ADAM9: variants seen among roughly 807,000 people sequenced by gnomAD.
The protein encoded by ADAM9 is disintegrin and metalloproteinase domain-containing protein 9.
ADAM9 carries 54 observed loss-of-function variants against 108.1 expected under a neutral mutation model. That is an observed-to-expected ratio of 0.50 (90% CI 0.40 to 0.63). The LOEUF is 0.63. ADAM9 is among the 20% of genes least tolerant of loss of function. ADAM9 has a pLI of 0.00. For missense variants in ADAM9, 830 were observed against 997.7 expected (o/e 0.83, Z 2.26); for synonymous variants, 316 against 336.0 (o/e 0.94, Z 0.65).
intron 14 of ADAM9, among the ~76,000 whole-genome samples, chr8:39,064,277 CAGATT>C (rs1838389310): frequency 6.6e-6 from 1 of 152,136 alleles, no homozygotes; most frequent in South Asian, 2.1e-4. Flanking sequence ...AAAATCTAAT[CAGATT>C]AGATAGCCCA....
At chr8:39,064,008 G>T (rs902228121) in intron 14 of ADAM9, among the ~76,000 whole-genome samples, 1 of 152,098 alleles carries the variant, frequency 6.6e-6, no homozygotes, top group Non-Finnish European at 1.5e-5. Flanking sequence ...TATGGTGCTT[G>T]AACTAGGAAT....
intron 9 of ADAM9, 73 bp from the exon 10 acceptor site, chr8:39,025,730 T>G (rs2129434341): frequency 7.1e-7 from 1 of 1,405,836 alleles, no homozygotes; most frequent in Non-Finnish European, 1.0e-6. Flanking sequence ...CCAGTTGAGA[T>G]TATTCATAAA....
chr8:39,065,212 GTT>G (rs35814763), intron 14 of ADAM9, among the ~76,000 whole-genome samples: 1 of 134,700 alleles, frequency 7.4e-6, no homozygotes, highest in South Asian at 2.4e-4. Context: ...GTTTTTTTTT[GTT>G]TTTTTTTTTT....
chr8:39,084,265 T>C (rs771147642), intron 18 of ADAM9, among the ~76,000 whole-genome samples: 21 of 152,088 alleles, frequency 1.4e-4, no homozygotes, highest in Non-Finnish European at 2.8e-4. Context: ...ATATATTTTC[T>C]CTTAGTCTGC....
At chr8:39,012,822 G>A (rs966187859) in intron 3 of ADAM9, among the ~76,000 whole-genome samples, 3 of 152,162 alleles carry the variant, frequency 2.0e-5, no homozygotes, top group Non-Finnish European at 4.4e-5. Context: ...GGGAGGGATA[G>A]CATTAGGAGA....
Position 39,082,087 on chromosome 8 carries a change from A to G in ADAM9, c.1882-554A>G, listed in dbSNP as rs936389316. Among the ~76,000 whole-genome samples, 4 of 152,168 alleles carry G rather than the reference A, an allele frequency of 2.6e-5. 1 individual carries two copies. Among genetic ancestry groups the G allele is most frequent in the Admixed American group, 2.6e-4 (4 of 15,286 alleles). On this transcript the variant is annotated intron_variant, in intron 16 of 21. Coordinates refer to ENST00000487273, the MANE Select transcript of ADAM9 (RefSeq NM_003816.3). ...CTTGAACCATGTAAGATTATAACTT[A>G]TTTTCAACAGTGCTTTTAATAGAAA...
Position 39,099,488 on chromosome 8 carries a change from C to A in ADAM9, c.2299-2375C>A, listed in dbSNP as rs559008423. ...ACTATTTGCAAGAAGTGAACATGTA[C>A]TTCATTGTTTTTAATAACCGCATGC... On this transcript the variant is annotated intron_variant, in intron 20 of 21. Transcript: ENST00000487273. Among the ~76,000 whole-genome samples the A allele has an allele frequency of 7.2e-5, 11 of 152,256 alleles. No individual in the cohort carries two copies. The East Asian group carries it at 1.4e-3, about 19-fold the overall frequency.
At chr8:39,071,029 C>T (rs1054487988) in intron 14 of ADAM9, among the ~76,000 whole-genome samples, 2 of 152,092 alleles carry the variant, frequency 1.3e-5, no homozygotes, top group East Asian at 1.9e-4. Context: ...TACTTATAAT[C>T]TATTATTTAA....
chr8:39,020,712 G>A (rs937535378), intron 7 of ADAM9, among the ~76,000 whole-genome samples: 1 of 152,094 alleles, frequency 6.6e-6, no homozygotes, highest in Non-Finnish European at 1.5e-5. Flanking sequence ...TATTGGTGCT[G>A]ATCTGTAACC....
At chr8:39,022,887 T>C (rs1836791020) in intron 8 of ADAM9, among the ~76,000 whole-genome samples, 1 of 152,096 alleles carries the variant, frequency 6.6e-6, no homozygotes, top group African/African-American at 2.4e-5. Flanking sequence ...CTAATTTTTG[T>C]ATTTTAGTAG....
At chr8:39,066,186 G>A (rs190771678) in intron 14 of ADAM9, among the ~76,000 whole-genome samples, 1 of 152,286 alleles carries the variant, frequency 6.6e-6, no homozygotes, top group Non-Finnish European at 1.5e-5. Flanking sequence ...AGTCTTTGCT[G>A]TTGTGAATAG....
intron 11 of ADAM9, among the ~76,000 whole-genome samples, chr8:39,031,384 T>C (rs902317934): frequency 4.3e-4 from 66 of 152,358 alleles, no homozygotes; most frequent in African/African-American, 1.5e-3. Context: ...TGTAGGACTC[T>C]TTTTGGGCTC....
At chr8:39,025,998 G>A in intron 10 of ADAM9, 114 bp downstream of exon 10, 1 of 1,059,870 alleles carries the variant, frequency 9.4e-7, no homozygotes, top group Non-Finnish European at 1.4e-6. Flanking sequence ...GTGTTATGAG[G>A]AACACAGTAG....
chr8:39,000,037 T>C (rs1259304628), intron 1 of ADAM9, among the ~76,000 whole-genome samples: 2 of 152,236 alleles, frequency 1.3e-5, no homozygotes, highest in Non-Finnish European at 2.9e-5. Context: ...CAGTCTTTTT[T>C]TTTTTGAGAT....
chr8:39,071,261 AC>A, intron 14 of ADAM9, 36 bp from the exon 15 acceptor site: 1 of 1,581,420 alleles, frequency 6.3e-7, no homozygotes. Flanking sequence ...AATTGCCATA[AC>A]TTTTTTTTTC....
intron 11 of ADAM9, among the ~76,000 whole-genome samples, chr8:39,037,294 C>T (rs1257556914): frequency 6.8e-6 from 1 of 147,920 alleles, no homozygotes; most frequent in African/African-American, 2.5e-5. Context: ...CGTGATCCAC[C>T]CGCCTCGGCC....
At chr8:39,003,497 A>AC (rs1027976895) in intron 1 of ADAM9, among the ~76,000 whole-genome samples, 9 of 151,630 alleles carry the variant, frequency 5.9e-5, no homozygotes, top group African/African-American at 1.9e-4. Context: ...AAAAAAAAAA[A>AC]AACAACTAAA....
intron 11 of ADAM9, among the ~76,000 whole-genome samples, chr8:39,033,656 A>G (rs977292319): frequency 6.6e-6 from 1 of 152,182 alleles, no homozygotes; most frequent in African/African-American, 2.4e-5. Flanking sequence ...ATTATAAGAT[A>G]CACCACTTTT....
At chr8:39,023,641 C>T (rs184277198) in intron 9 of ADAM9, among the ~76,000 whole-genome samples, 8 of 151,444 alleles carry the variant, frequency 5.3e-5, no homozygotes, top group South Asian at 2.1e-4. Context: ...TTCCCAGTTT[C>T]GGAACAGAAT....
Sources: gnomAD v4.1 joint callset for allele counts (sites outside exome capture counted in the v4.1 genomes callset) on GRCh38, gnomAD v4.1.1 for gene constraint, MANE v1.5 for transcripts, NCBI Gene and HGNC (gene_info 2026-07-23, HGNC 2026-07-21) for gene names.